DOK6: variants seen among roughly 807,000 people sequenced by gnomAD.
DOK6 encodes downstream of tyrosine kinase 6.
In DOK6, 22 loss-of-function variants were observed where a neutral mutation model predicts 44.0. That is an observed-to-expected ratio of 0.50 (90% confidence interval 0.36 to 0.71). The LOEUF (loss-of-function observed/expected upper bound fraction) is 0.71, where lower values mean the gene tolerates loss of function less well. Among genes scored for constraint, DOK6 ranks in the 30% least tolerant of loss-of-function variants. The probability of loss-of-function intolerance (pLI) is 0.00; values close to 1 mark genes in which losing one functional copy is unlikely to be tolerated. For missense variants in DOK6, 340 were observed against 416.4 expected (o/e 0.82, Z 1.60); for synonymous variants, 166 against 145.5 (o/e 1.14, Z -1.01).
intron 1 of DOK6, among the ~76,000 whole-genome samples, chr18:69,445,159 T>A (rs1979249570): frequency 6.6e-6 from 1 of 152,206 alleles, no homozygotes; most frequent in Non-Finnish European, 1.5e-5. Flanking sequence ...TGATTTTTTG[T>A]GTGTTGATCT....
At chr18:69,445,818 C>G (rs1467985681) in intron 1 of DOK6, among the ~76,000 whole-genome samples, 2 of 152,090 alleles carry the variant, frequency 1.3e-5, no homozygotes, top group Admixed American at 1.3e-4. Flanking sequence ...CCCAGTAGTC[C>G]AAGGTCACAG....
chr18:69,461,574 A>C (rs1979789309), intron 1 of DOK6, among the ~76,000 whole-genome samples: 1 of 152,078 alleles, frequency 6.6e-6, no homozygotes, highest in South Asian at 2.1e-4. Context: ...TGGAGGCCCT[A>C]TTTAATCTAT....
chr18:69,577,565 C>A (rs1412160055), intron 2 of DOK6, among the ~76,000 whole-genome samples: 1 of 152,068 alleles, frequency 6.6e-6, no homozygotes, highest in Non-Finnish European at 1.5e-5. Context: ...CTTATATTAC[C>A]ACATGCAGGT....
At chr18:69,517,106 T>C (rs1981548649) in intron 1 of DOK6, among the ~76,000 whole-genome samples, 1 of 152,160 alleles carries the variant, frequency 6.6e-6, no homozygotes, top group Non-Finnish European at 1.5e-5. Context: ...CACAGTTCCG[T>C]TTGTGGATAT....
intron 1 of DOK6, among the ~76,000 whole-genome samples, chr18:69,522,762 T>A (rs1051142716): frequency 1.3e-5 from 2 of 152,106 alleles, no homozygotes; most frequent in African/African-American, 4.8e-5. Flanking sequence ...TTTTGTGATA[T>A]CTCCTTGTGG....
chr18:69,459,071 G>C (rs925434095), intron 1 of DOK6, among the ~76,000 whole-genome samples: 2 of 150,342 alleles, frequency 1.3e-5, no homozygotes, highest in Non-Finnish European at 3.0e-5. Context: ...ACTCCTGCCT[G>C]GGTGACAGAG....
chr18:69,503,106 T>C (rs1599162243), intron 1 of DOK6, among the ~76,000 whole-genome samples: 1 of 152,162 alleles, frequency 6.6e-6, no homozygotes, highest in East Asian at 1.9e-4. Context: ...CAAAATAGGT[T>C]GTATGATTTT....
At chr18:69,769,453 A>T (rs768670845) in intron 7 of DOK6, among the ~76,000 whole-genome samples, 1 of 152,152 alleles carries the variant, frequency 6.6e-6, no homozygotes, top group East Asian at 1.9e-4. Flanking sequence ...TTGTATCTGT[A>T]ACTCTAATAT....
intron 3 of DOK6, among the ~76,000 whole-genome samples, chr18:69,671,623 G>T (rs1568329049): frequency 6.6e-6 from 1 of 152,102 alleles, no homozygotes; most frequent in Non-Finnish European, 1.5e-5. Flanking sequence ...GTTCAGTAGG[G>T]AACCATGTCA....
intron 1 of DOK6, among the ~76,000 whole-genome samples, chr18:69,430,825 G>T (rs1978785268): frequency 1.3e-5 from 2 of 152,114 alleles, no homozygotes; most frequent in Admixed American, 1.3e-4. Flanking sequence ...AATTAGCCAG[G>T]CGTGGTGGCG....
chr18:69,497,543 C>T (rs1331878044), intron 1 of DOK6, among the ~76,000 whole-genome samples: 2 of 152,186 alleles, frequency 1.3e-5, no homozygotes, highest in Non-Finnish European at 2.9e-5. Context: ...TTCTCCTGCT[C>T]ACAGGTTGTC....
At chr18:69,657,373 C>T (rs975361473) in intron 3 of DOK6, among the ~76,000 whole-genome samples, 1 of 152,172 alleles carries the variant, frequency 6.6e-6, no homozygotes, top group African/African-American at 2.4e-5. Context: ...CTTTTATCCC[C>T]TTTGCCCTGA....
At chr18:69,832,656 TGG>T (rs1981935592) in intron 7 of DOK6, 1 of 152,102 alleles carries the variant, frequency 6.6e-6, no homozygotes, top group Non-Finnish European at 1.5e-5. Flanking sequence ...GGCTTTTCTT[TGG>T]TGGAAGACTT....
intron 1 of DOK6, among the ~76,000 whole-genome samples, chr18:69,511,134 C>T (rs763140556): frequency 6.6e-6 from 1 of 152,138 alleles, no homozygotes; most frequent in Non-Finnish European, 1.5e-5. Flanking sequence ...AATTTCTTTC[C>T]TCATATCCTA....
At chr18:69,495,687 G>C (rs1980864081) in intron 1 of DOK6, among the ~76,000 whole-genome samples, 1 of 152,198 alleles carries the variant, frequency 6.6e-6, no homozygotes, top group African/African-American at 2.4e-5. Flanking sequence ...AGTAGGCTTG[G>C]ACATCCCGTT....
At chr18:69,771,146 A>G (rs1979876128) in intron 7 of DOK6, among the ~76,000 whole-genome samples, 1 of 152,124 alleles carries the variant, frequency 6.6e-6, no homozygotes, top group African/African-American at 2.4e-5. Context: ...CCTAGTTGAG[A>G]AAACTCAAGA....
Position 69,801,674 on chromosome 18 carries a change from T to A in DOK6, c.857-39570T>A, listed in dbSNP as rs1980909095. On this transcript the variant is annotated intron_variant, in intron 7 of 7. Transcript: ENST00000382713. ...GGGCTGTATTTTCTCTCCAACCCCT[T>A]TGTCCCACCTCTTCACACGGTCCCT... Among the ~76,000 whole-genome samples the A allele has an allele frequency of 3.9e-5, 6 of 152,310 alleles. No individual in the cohort carries two copies. The South Asian group carries it at 1.2e-3, about 32-fold the overall frequency.
At chr18:69,698,345 G>GCC in intron 4 of DOK6, 59 bp from the exon 5 acceptor site, 1 of 1,452,474 alleles carries the variant, frequency 6.9e-7, no homozygotes. Context: ...AATATCGTAT[G>GCC]GCCATAGACA....
chr18:69,422,939 T>A (rs1261599186), intron 1 of DOK6, among the ~76,000 whole-genome samples: 1 of 152,140 alleles, frequency 6.6e-6, no homozygotes, highest in Non-Finnish European at 1.5e-5. Flanking sequence ...TTGCAGAGAG[T>A]CACATTACAA....
Sources: allele counts gnomAD v4.1 joint callset (sites outside exome capture counted in the v4.1 genomes callset), GRCh38; gene constraint gnomAD v4.1.1; transcripts MANE v1.5; gene names NCBI Gene and HGNC (gene_info 2026-07-23, HGNC 2026-07-21).